MIR2052HG: variants seen among roughly 807,000 people sequenced by gnomAD.
The protein encoded by MIR2052HG is MIR2052 host gene.
At chr8:74,618,930 A>C (rs1044438666) in intron 2 of MIR2052HG, among the ~76,000 whole-genome samples, 12 of 152,204 alleles carry the variant, frequency 7.9e-5, no homozygotes, top group African/African-American at 2.9e-4. Context: ...GGAGCTAACA[A>C]GGAAATTCAG....
At chr8:74,615,680 A>G (rs1808270339) in intron 2 of MIR2052HG, among the ~76,000 whole-genome samples, 1 of 151,796 alleles carries the variant, frequency 6.6e-6, no homozygotes, top group South Asian at 2.1e-4. Context: ...TTACATATGT[A>G]TACATGTGCC....
rs1285652622 is a variant in MIR2052HG at position 74,601,836 on chromosome 8, G to A, written n.128+1928G>A. Among the ~76,000 whole-genome samples the A allele has an allele frequency of 7.2e-5, 11 of 152,224 alleles. No homozygotes were observed. In the South Asian group the frequency reaches 2.1e-3, roughly 29 times the overall value. ...CTGGCTTGTCTTACATTACTCAGGA[G>A]CATTATTAATCATATTTAAGTGAAT... On this transcript the variant is annotated intron_variant and non_coding_transcript_variant, in intron 1 of 6. Transcript: ENST00000523442.
chr8:74,635,401 C>T (rs1280022648), intron 2 of MIR2052HG, among the ~76,000 whole-genome samples: 1 of 152,084 alleles, frequency 6.6e-6, no homozygotes, highest in African/African-American at 2.4e-5. Context: ...ATGGAGATGT[C>T]ATTTGCACTG....
intron 2 of MIR2052HG, among the ~76,000 whole-genome samples, chr8:74,678,792 G>A (rs943404712): frequency 1.3e-5 from 2 of 151,936 alleles, no homozygotes; most frequent in African/African-American, 4.8e-5. Flanking sequence ...AACTGTATGG[G>A]AATGAAGAAT....
intron 1 of MIR2052HG, among the ~76,000 whole-genome samples, chr8:74,610,280 A>G (rs1229561376): frequency 1.3e-5 from 2 of 151,968 alleles, no homozygotes; most frequent in East Asian, 1.9e-4. Context: ...CATATACAAT[A>G]GTGTTCTTAC....
At chr8:74,748,098 GT>G (rs1394306867) in intron 4 of MIR2052HG, among the ~76,000 whole-genome samples, 1 of 151,996 alleles carries the variant, frequency 6.6e-6, no homozygotes, top group Non-Finnish European at 1.5e-5. Flanking sequence ...TATGGCCTTT[GT>G]TTTTTTAAAG....
intron 4 of MIR2052HG, among the ~76,000 whole-genome samples, chr8:74,733,820 C>T (rs1809720115): frequency 6.7e-6 from 1 of 149,808 alleles, no homozygotes; most frequent in Non-Finnish European, 1.5e-5. Context: ...ATTTGCATTT[C>T]TCTGATGGCC....
chr8:74,638,543 C>G (rs149157739), intron 2 of MIR2052HG, among the ~76,000 whole-genome samples: 129 of 152,120 alleles, frequency 8.5e-4, no homozygotes, highest in African/African-American at 2.8e-3. Context: ...ACAGTGGTGG[C>G]AGTAGAAATG....
intron 4 of MIR2052HG, among the ~76,000 whole-genome samples, chr8:74,733,760 T>TA (rs1809719528): frequency 6.9e-6 from 1 of 145,118 alleles, no homozygotes; most frequent in Admixed American, 7.1e-5. Context: ...CCTGACTTTT[T>TA]AATGATTGCC....
At chr8:74,705,535 A>G (rs1809401588) in intron 4 of MIR2052HG, among the ~76,000 whole-genome samples, 1 of 152,042 alleles carries the variant, frequency 6.6e-6, no homozygotes, top group African/African-American at 2.4e-5. Context: ...ACTCTGACCA[A>G]GAGTCTGATC....
intron 4 of MIR2052HG, among the ~76,000 whole-genome samples, chr8:74,751,797 A>G (rs1809949465): frequency 6.6e-6 from 1 of 152,224 alleles, no homozygotes; most frequent in Non-Finnish European, 1.5e-5. Flanking sequence ...ACAGGCCCAT[A>G]ATTGAGAAAT....
intron 4 of MIR2052HG, among the ~76,000 whole-genome samples, chr8:74,727,606 A>G (rs1809650215): frequency 6.6e-6 from 1 of 152,184 alleles, no homozygotes. Context: ...ACAACAAAGG[A>G]TGTTAATGTG....
intron 1 of MIR2052HG, chr8:74,603,446 G>A (rs561569622): frequency 1.7e-5 from 27 of 1,606,898 alleles, no homozygotes; most frequent in South Asian, 1.6e-4. Flanking sequence ...GACATCTGAC[G>A]GATCTCATTT....
At chr8:74,627,050 T>C (rs1046266064) in intron 2 of MIR2052HG, among the ~76,000 whole-genome samples, 2 of 152,252 alleles carry the variant, frequency 1.3e-5, no homozygotes, top group Non-Finnish European at 2.9e-5. Flanking sequence ...TAACATGGCC[T>C]GTACCCTTCT....
chr8:74,605,326 G>T lies in MIR2052HG; in HGVS notation n.128+5418G>T, dbSNP rs187202000. ...CTTTGTAATCTGACTCAAAAGCTTC[G>T]TGGGCTAAGCAGGAGAGCATTTAAC... On this transcript the variant is annotated intron_variant and non_coding_transcript_variant, in intron 1 of 6. Transcript: ENST00000523442. Among the ~76,000 whole-genome samples, 43 of 152,296 alleles carry T rather than the reference G, an allele frequency of 2.8e-4. No individual in the cohort carries two copies. In the East Asian group the frequency reaches 5.0e-3, roughly 18 times the overall value.
chr8:74,652,978 C>T (rs952419538), intron 2 of MIR2052HG, among the ~76,000 whole-genome samples: 1 of 152,168 alleles, frequency 6.6e-6, no homozygotes, highest in Non-Finnish European at 1.5e-5. Flanking sequence ...TAACAAATTC[C>T]ACTTGATTAG....
chr8:74,706,492 A>G (rs538820624), intron 4 of MIR2052HG, among the ~76,000 whole-genome samples: 9 of 152,192 alleles, frequency 5.9e-5, no homozygotes, highest in African/African-American at 1.4e-4. Context: ...AGTCCTTTCT[A>G]TAGCGAAATT....
intron 4 of MIR2052HG, among the ~76,000 whole-genome samples, chr8:74,716,117 G>A (rs1809518149): frequency 2.0e-5 from 3 of 152,116 alleles, no homozygotes. Context: ...ACAACTGGGG[G>A]CCCACTCCCA....
At chr8:74,719,747 G>C (rs1809555259) in intron 4 of MIR2052HG, among the ~76,000 whole-genome samples, 1 of 151,562 alleles carries the variant, frequency 6.6e-6, no homozygotes, top group South Asian at 2.1e-4. Flanking sequence ...TCATCTGTTA[G>C]ACAGCCTTAG....
Sources: allele counts gnomAD v4.1 joint callset (sites outside exome capture counted in the v4.1 genomes callset), GRCh38; gene constraint gnomAD v4.1.1; transcripts MANE v1.5; gene names NCBI Gene and HGNC (gene_info 2026-07-23, HGNC 2026-07-21).